HEG1: variants seen among roughly 807,000 people sequenced by gnomAD.
The protein encoded by HEG1 is heart development protein with EGF like domains 1.
HEG1 carries 56 observed loss-of-function variants against 125.6 expected under a neutral mutation model. The ratio of observed to expected loss-of-function variants is 0.45; its 90% CI spans 0.36 to 0.56. The LOEUF (loss-of-function observed/expected upper bound fraction) is 0.56, where lower values mean the gene tolerates loss of function less well. Among genes scored for constraint, HEG1 ranks in the 20% least tolerant of loss-of-function variants. HEG1 has a pLI of 0.00. For synonymous variants in HEG1, 644 were observed against 668.5 expected, an observed-to-expected ratio of 0.96 and a Z score of 0.57; for missense variants, 1,523 against 1,670.0, an observed-to-expected ratio of 0.91 and a Z score of 1.53.
intron 4 of HEG1, among the ~76,000 whole-genome samples, chr3:125,020,287 G>A (rs113946558): frequency 1.8e-4 from 28 of 152,260 alleles, no homozygotes; most frequent in African/African-American, 6.3e-4. Flanking sequence ...TTAGCTGGAT[G>A]GAGTGGCATG....
chr3:125,045,680 TC>T lies in HEG1; in HGVS notation c.316+9894del, dbSNP rs141817174. 2.8e-3 allele frequency among the ~76,000 whole-genome samples: 428 copies of T among 152,320 alleles called. 1 individual carries two copies. The highest frequency in any genetic ancestry group is 9.2e-3 in the African/African-American group (384 of 41,564). ...TCCTCTCCAATTTTCCACTCATCCT[TC>T]CATGTCTACCTCTTCCTGATGCCTG... On this transcript the variant is annotated intron_variant, in intron 1 of 16. Coordinates refer to ENST00000311127, the MANE Select transcript of HEG1 (RefSeq NM_020733.2).
rs1228493775 is a variant in HEG1 at position 125,021,077 on chromosome 3, C to T, written c.967G>A (p.Val323Ile). The T allele has an allele frequency of 1.2e-6, 2 of 1,600,648 alleles. No homozygotes were observed. Among genetic ancestry groups the T allele is most frequent in the Non-Finnish European group, 1.7e-6 (2 of 1,173,304 alleles). ...NNSTGLQSSSVSQTKTMHVAT... is the reference protein window; with the variant it reads ...NNSTGLQSSSISQTKTMHVAT... ...ACATGCATTGTCTTTGTTTGACTGA[C>T]TGAGGAGCTCTGGAGGCCAGTGGAG... The change falls in exon 4 of 17, where the codon GTC becomes ATC. Residue 323 changes from valine to isoleucine, a missense_variant. Coordinates refer to ENST00000311127, the MANE Select transcript of HEG1 (RefSeq NM_020733.2).
chr3:125,001,933 T>C lies in HEG1; in HGVS notation c.3436A>G (p.Arg1146Gly), dbSNP rs1314613472. 6.2e-7 allele frequency: 1 copy of C among 1,613,986 alleles called. No individual in the cohort carries two copies. Among genetic ancestry groups the C allele is most frequent in the Admixed American group, 1.7e-5 (1 of 60,028 alleles). Residue 1146 changes from arginine to glycine, a missense_variant, in exon 11 of 17, where the codon AGG becomes GGG. By Grantham distance (125) the Arg-to-Gly change is moderately radical. Coordinates refer to ENST00000311127, the MANE Select transcript of HEG1 (RefSeq NM_020733.2). ...CAGGAGTTGACACATTTCTGCATCC[T>C]ATCAGCCAGGTCAAATAGCGTCACA... The part of the protein sequence containing the change: ...SNVTLFDLAD[R>G]MQKCVNSCKS...
intron 8 of HEG1, among the ~76,000 whole-genome samples, chr3:125,006,939 C>T (rs1013265383): frequency 2.6e-5 from 4 of 152,068 alleles, no homozygotes; most frequent in Non-Finnish European, 5.9e-5. Context: ...GTGGCTCACG[C>T]CTGTAATCCC....
In HEG1 at chr3:124,970,769, T is replaced by C. The variant is rs1936410656; in HGVS notation, c.4029A>G (p.Arg1343=). The change falls in exon 17 of 17, where the codon CGA becomes CGG. Residue 1343 remains arginine, a synonymous_variant. Transcript: ENST00000311127. ...PTSVRNPELE[R]NGLYPAYTGL... ...CAGTGTAGGCCGGGTAGAGTCCGTT[T>C]CGTTCAAGTTCTGGATTCCTTACAC... The C allele has an allele frequency of 6.2e-7, 1 of 1,610,190 alleles. No individual in the cohort carries two copies. The highest frequency in any genetic ancestry group is 1.7e-5 in the Admixed American group (1 of 59,526).
chr3:124,990,748 C>A (rs749032985), intron 14 of HEG1, 39 bp downstream of exon 14: 6 of 1,548,714 alleles, frequency 3.9e-6, no homozygotes, highest in Non-Finnish European at 5.2e-6. Flanking sequence ...CAGGGCCAGG[C>A]CCCTGCCCAC....
chr3:125,001,815 A>G (rs1248572088), intron 11 of HEG1, 37 bp downstream of exon 11: 2 of 1,598,356 alleles, frequency 1.3e-6, no homozygotes, highest in South Asian at 1.1e-5. Flanking sequence ...GTGCCTAACT[A>G]TATGGGTAGG....
rs1190661236 is a variant in HEG1, at chr3:125,012,744, T to C, written c.2835A>G (p.Gly945=). 2 of 1,614,010 alleles carry C rather than the reference T, an allele frequency of 1.2e-6. No homozygotes were observed. Among genetic ancestry groups the C allele is most frequent in the East Asian group, 2.2e-5 (1 of 44,884 alleles). Residue 945 remains glycine, a synonymous_variant, in exon 6 of 17, where the codon GGA becomes GGG. Transcript: ENST00000311127. ...AEYSPASRSL[G]TSPSPQTTVV... is the part of the protein sequence containing the mutation. ...CTGTGGTTTGGGGAGAAGGAGATGTTCCGAGGGAACGTGAAGCTGGGCTGT... is the reference window on the plus strand; with the variant it reads ...CTGTGGTTTGGGGAGAAGGAGATGTCCCGAGGGAACGTGAAGCTGGGCTGT...
intron 9 of HEG1, 62 bp from the exon 10 acceptor site, chr3:125,002,377 C>G: frequency 1.4e-6 from 2 of 1,429,970 alleles, no homozygotes; most frequent in South Asian, 2.4e-5. Flanking sequence ...GACCTAGAAC[C>G]AGTTTCCTAT....
chr3:124,995,700 C>A (rs528117848), intron 12 of HEG1, among the ~76,000 whole-genome samples: 3 of 152,214 alleles, frequency 2.0e-5, no homozygotes, highest in African/African-American at 7.2e-5. Context: ...GCAAATACTG[C>A]TGAGAAAGGG....
Position 124,970,771 on chromosome 3 carries a change from G to C in HEG1, c.4027C>G (p.Arg1343Gly). ...PTSVRNPELE[R>G]NGLYPAYTGL... ...GTGTAGGCCGGGTAGAGTCCGTTTCGTTCAAGTTCTGGATTCCTTACACTT... is the reference window on the plus strand; with the variant it reads ...GTGTAGGCCGGGTAGAGTCCGTTTCCTTCAAGTTCTGGATTCCTTACACTT... The change falls in exon 17 of 17, where the codon CGA becomes GGA. Residue 1343 changes from arginine to glycine, a missense_variant. Coordinates refer to ENST00000311127, the MANE Select transcript of HEG1 (RefSeq NM_020733.2). 1.2e-6 allele frequency: 2 copies of C among 1,610,078 alleles called. No homozygotes were observed. Among genetic ancestry groups the C allele is most frequent in the Non-Finnish European group, 1.7e-6 (2 of 1,178,280 alleles).
Position 125,019,389 on chromosome 3 carries a change from C to T in HEG1, c.1461G>A (p.Gln487=). 1.2e-6 allele frequency: 2 copies of T among 1,614,042 alleles called. No individual in the cohort carries two copies. The highest frequency in any genetic ancestry group is 1.7e-6 in the Non-Finnish European group (2 of 1,179,884). The change falls in exon 5 of 17, where the codon CAG becomes CAA. Residue 487 remains glutamine (Q), a synonymous_variant. Coordinates refer to ENST00000311127, the MANE Select transcript of HEG1 (RefSeq NM_020733.2). ...PEGVNASVLT[Q]FSDSTVQSGG... ...CAGACTGTACAGTAGAGTCTGAGAA[C>T]TGGGTCAACACTGAAGCATTCACAC...
intron 12 of HEG1, among the ~76,000 whole-genome samples, chr3:124,991,438 G>A (rs377519081): frequency 1.4e-4 from 21 of 151,688 alleles, no homozygotes; most frequent in African/African-American, 4.6e-4. Flanking sequence ...GGCATGATTC[G>A]CCATGCCTAG....
intron 8 of HEG1, among the ~76,000 whole-genome samples, chr3:125,006,276 T>G (rs1937070559): frequency 6.6e-6 from 1 of 152,206 alleles, no homozygotes; most frequent in Admixed American, 6.5e-5. Context: ...CAAGGCCCAT[T>G]TCACTCATAA....
intron 1 of HEG1, among the ~76,000 whole-genome samples, chr3:125,037,372 A>G (rs1008868924): frequency 2.0e-5 from 3 of 152,214 alleles, no homozygotes; most frequent in African/African-American, 7.2e-5. Flanking sequence ...AAGTCTGTAG[A>G]CCTTTAATAG....
chr3:124,975,258 A>G (rs1579393215), intron 15 of HEG1, among the ~76,000 whole-genome samples: 1 of 152,200 alleles, frequency 6.6e-6, no homozygotes, highest in East Asian at 1.9e-4. Flanking sequence ...GGTAGAAAAG[A>G]TAACTAGCTA....
intron 14 of HEG1, among the ~76,000 whole-genome samples, chr3:124,988,782 TG>T (rs1936786017): frequency 6.6e-6 from 1 of 152,146 alleles, no homozygotes; most frequent in Admixed American, 6.5e-5. Flanking sequence ...CTAGGTGTGG[TG>T]GTGCACACCT....
In HEG1 at chr3:125,029,323, G is replaced by A. The variant is rs1382424810; in HGVS notation, c.482C>T (p.Thr161Ile). ...HAASDAPENL[T>I]LLAETADARG... ...AGCATCTGCTGTTTCAGCGAGTAGA[G>A]TGAGGTTTTCTGGAGCATCCGAAGC... Residue 161 changes from threonine (T) to isoleucine (I), a missense_variant, in exon 2 of 17, where the codon ACT (threonine) becomes ATT (isoleucine). By Grantham distance (89) the Thr-to-Ile change is moderately conservative. Transcript: ENST00000311127. 4 of 1,613,900 alleles carry A rather than the reference G, an allele frequency of 2.5e-6. No individual in the cohort carries two copies. The highest frequency in any genetic ancestry group is 3.4e-6 in the Non-Finnish European group (4 of 1,179,898).
At chr3:125,032,312 G>C (rs543185277) in intron 1 of HEG1, among the ~76,000 whole-genome samples, 4 of 152,352 alleles carry the variant, frequency 2.6e-5, no homozygotes, top group African/African-American at 9.6e-5. Flanking sequence ...AAGACATTCT[G>C]ACAGGCTTTC....
Sources: allele counts gnomAD v4.1 joint callset (sites outside exome capture counted in the v4.1 genomes callset), GRCh38; gene constraint gnomAD v4.1.1; transcripts MANE v1.5; gene names NCBI Gene and HGNC (gene_info 2026-07-23, HGNC 2026-07-21).